Variants in FLRT2 observed in about 807,000 individuals in gnomAD.
FLRT2 encodes fibronectin leucine rich transmembrane protein 2.
Under a neutral mutation model 40.0 loss-of-function variants are expected in FLRT2, and 15 were observed. The ratio of observed to expected loss-of-function variants is 0.38; its 90% CI spans 0.25 to 0.58. The LOEUF (loss-of-function observed/expected upper bound fraction) is 0.58, where lower values mean the gene tolerates loss of function less well. Among genes scored for constraint, FLRT2 ranks in the 20% least tolerant of loss-of-function variants. The pLI is 0.71. For missense variants in FLRT2, 726 were observed against 840.0 expected (o/e 0.86, Z 1.68); for synonymous variants, 380 against 336.8 (o/e 1.13, Z -1.41).
intron 1 of FLRT2, among the ~76,000 whole-genome samples, chr14:85,533,838 C>G (rs1003513217): frequency 5.9e-5 from 9 of 151,738 alleles, no homozygotes; most frequent in Non-Finnish European, 1.2e-4. Flanking sequence ...ACCCCCGCGC[C>G]CCGACGCTGC....
chr14:85,571,730 C>A (rs1890900725), intron 1 of FLRT2, among the ~76,000 whole-genome samples: 1 of 152,098 alleles, frequency 6.6e-6, no homozygotes, highest in African/African-American at 2.4e-5. Flanking sequence ...ACAGTTAGGA[C>A]CTTTTTCGCT....
chr14:85,590,143 G>A (rs1891816916), intron 1 of FLRT2, among the ~76,000 whole-genome samples: 1 of 151,250 alleles, frequency 6.6e-6, no homozygotes, highest in South Asian at 2.1e-4. Flanking sequence ...ATGGGATTTT[G>A]CAGCATTCAT....
chr14:85,547,825 T>A (rs1463928889), intron 1 of FLRT2, among the ~76,000 whole-genome samples: 2 of 152,104 alleles, frequency 1.3e-5, no homozygotes, highest in East Asian at 3.9e-4. Flanking sequence ...ACATAAGACA[T>A]CAGTCAATAT....
intron 1 of FLRT2, chr14:85,562,620 C>CTTTCTTTCT (rs528652422): frequency 8.7e-6 from 1 of 115,522 alleles, no homozygotes; most frequent in Non-Finnish European, 1.7e-5. Flanking sequence ...TTCTTTCTTT[C>CTTTCTTTCT]TTTTTTTTTT....
chr14:85,559,049 CATAG>C (rs781034249), intron 1 of FLRT2, among the ~76,000 whole-genome samples: 3 of 152,168 alleles, frequency 2.0e-5, no homozygotes, highest in South Asian at 2.1e-4. Flanking sequence ...CATGTGTACA[CATAG>C]ATAGGTGCAC....
At position 85,613,426 on chromosome 14, in the gene FLRT2, A is replaced by G. The variant is rs941101491; in HGVS notation, c.-376-7713A>G. On this transcript the variant is annotated intron_variant, in intron 1 of 1. Transcript: ENST00000330753. ...ATGTTCTATGCCTTTTACAAAGGTC[A>G]TCTAGTTTCTTTATGCCCAGGGACT... Among the ~76,000 whole-genome samples the G allele has an allele frequency of 2.6e-5, 4 of 152,296 alleles. No homozygotes were observed. In the East Asian group the frequency reaches 7.7e-4, roughly 29 times the overall value.
At chr14:85,575,191 T>G (rs898770681) in intron 1 of FLRT2, among the ~76,000 whole-genome samples, 9 of 152,194 alleles carry the variant, frequency 5.9e-5, no homozygotes, top group Non-Finnish European at 1.5e-5. Context: ...GCACAGAGCC[T>G]GCAATGGGGG....
At position 85,647,882 on chromosome 14, in the gene FLRT2, A is replaced by T. The variant is rs1055425874; in HGVS notation, c.*24385A>T. ...GGTGAGGTCAAAAGTAATATGAAATAGGAAGAGGATAAACAGTGTCATAAA... is the reference window on the plus strand; with the variant it reads ...GGTGAGGTCAAAAGTAATATGAAATTGGAAGAGGATAAACAGTGTCATAAA... On this transcript the variant is annotated 3_prime_UTR_variant, in exon 2 of 2. Transcript: ENST00000330753. 2 of 152,160 alleles carry T rather than the reference A, an allele frequency of 1.3e-5. No individual in the cohort carries two copies. Among genetic ancestry groups the T allele is most frequent in the African/African-American group, 2.4e-5 (1 of 41,452 alleles). 9.4% of individuals were successfully genotyped at this position (152,160 alleles called of 1,614,324 possible). A position where few individuals can be genotyped will look rare whatever the true frequency, so the allele number is the denominator to read the frequency against.
chr14:85,578,194 A>G (rs913324278), intron 1 of FLRT2, among the ~76,000 whole-genome samples: 7 of 145,860 alleles, frequency 4.8e-5, no homozygotes, highest in Non-Finnish European at 9.0e-5. Flanking sequence ...ATATATTTAT[A>G]TATATTTATA....
rs371847634 is a variant in FLRT2, at chr14:85,600,520, A to G, written c.-376-20619A>G. Among the ~76,000 whole-genome samples, 5 of 152,244 alleles carry G rather than the reference A, an allele frequency of 3.3e-5. No homozygotes were observed. The East Asian group carries it at 7.7e-4, about 23-fold the overall frequency. On this transcript the variant is annotated intron_variant, in intron 1 of 1. Transcript: ENST00000330753. ...AGAAAAAGGAAGACTCTGACAGGAC[A>G]TCAGAGAAACTGATGGAGGTTAGAG...
At chr14:85,535,892 G>GTTTTTTTTTTTTTTTTTT (rs71454768) in intron 1 of FLRT2, among the ~76,000 whole-genome samples, 3 of 57,906 alleles carry the variant, frequency 5.2e-5, no homozygotes, top group Admixed American at 4.5e-4. Flanking sequence ...AAGGAATGCT[G>GTTTTTTTTTTTTTTTTTT]TTTTTTTTTT....
In FLRT2 at chr14:85,621,637, C is replaced by T; in HGVS notation, c.123C>T (p.Arg41=). ...TCCTGGCCTGCCCTAGTGTGTGCCG[C>T]TGCGACAGGAACTTTGTCTACTGTA... ...SKLLACPSVC[R]CDRNFVYCNE... is the part of the protein sequence containing the mutation. The change falls in exon 2 of 2, where the codon CGC becomes CGT. Residue 41 remains arginine (R), a synonymous_variant. Transcript: ENST00000330753. The T allele has an allele frequency of 6.2e-7, 1 of 1,614,138 alleles. No homozygotes were observed. Among genetic ancestry groups the T allele is most frequent in the South Asian group, 1.1e-5 (1 of 91,074 alleles).
At chr14:85,551,265 G>A (rs184838393) in intron 1 of FLRT2, among the ~76,000 whole-genome samples, 2 of 152,246 alleles carry the variant, frequency 1.3e-5, no homozygotes, top group East Asian at 1.9e-4. Flanking sequence ...TGATGGAGGA[G>A]CAGTGATTGG....
At chr14:85,596,561 T>C (rs1208624004) in intron 1 of FLRT2, among the ~76,000 whole-genome samples, 1 of 152,244 alleles carries the variant, frequency 6.6e-6, no homozygotes, top group Non-Finnish European at 1.5e-5. Flanking sequence ...GAATTTATTT[T>C]CTGGAATTGT....
At chr14:85,563,975 G>A (rs1031501118) in intron 1 of FLRT2, among the ~76,000 whole-genome samples, 5 of 152,162 alleles carry the variant, frequency 3.3e-5, no homozygotes, top group Non-Finnish European at 4.4e-5. Context: ...TCATGTAGAA[G>A]CCCTAGTGTG....
chr14:85,565,087 G>A (rs1269657666), intron 1 of FLRT2, among the ~76,000 whole-genome samples: 1 of 152,190 alleles, frequency 6.6e-6, no homozygotes, highest in African/African-American at 2.4e-5. Context: ...TTTTAAACCA[G>A]ATTTCCATTT....
At chr14:85,555,827 A>G (rs1231725684) in intron 1 of FLRT2, among the ~76,000 whole-genome samples, 1 of 151,950 alleles carries the variant, frequency 6.6e-6, no homozygotes, top group Non-Finnish European at 1.5e-5. Context: ...AGTAGTTGGG[A>G]TTACAGGTGT....
intron 1 of FLRT2, among the ~76,000 whole-genome samples, chr14:85,576,970 G>C (rs1787569354): frequency 6.6e-6 from 1 of 152,194 alleles, no homozygotes; most frequent in South Asian, 2.1e-4. Flanking sequence ...GTGTGCTCCT[G>C]ATCTTAAATA....
At chr14:85,557,536 C>T (rs1007289553) in intron 1 of FLRT2, among the ~76,000 whole-genome samples, 7 of 152,196 alleles carry the variant, frequency 4.6e-5, no homozygotes, top group African/African-American at 1.2e-4. Flanking sequence ...CACGGCAAGG[C>T]GCGGTGGCTC....
Sources: allele counts gnomAD v4.1 joint callset (sites outside exome capture counted in the v4.1 genomes callset), GRCh38; gene constraint gnomAD v4.1.1; transcripts MANE v1.5; gene names NCBI Gene and HGNC (gene_info 2026-07-23, HGNC 2026-07-21).